The following STK39 variants were observed in gnomAD, a reference collection of about 807,000 sequenced individuals.
STK39 encodes the protein serine/threonine kinase 39.
A neutral mutation model predicts 77.8 loss-of-function variants in STK39; 20 were observed. That is an observed-to-expected ratio of 0.26 (90% CI 0.18 to 0.37). The LOEUF (loss-of-function observed/expected upper bound fraction) is 0.37. STK39 is among the 10% of genes least tolerant of loss of function. The probability of loss-of-function intolerance (pLI) is 1.00; values close to 1 mark genes in which losing one functional copy is unlikely to be tolerated. For missense variants in STK39, 479 were observed against 656.5 expected (o/e 0.73, Z 2.95); for synonymous variants, 246 against 234.1 (o/e 1.05, Z -0.47).
chr2:168,131,429 A>C (rs13419175), intron 8 of STK39, among the ~76,000 whole-genome samples: 122,879 of 152,046 alleles, frequency 0.81, 49,614 homozygotes, highest in Admixed American at 0.82. Flanking sequence ...ATGCTTGACA[A>C]AATTGGAAAC....
intron 1 of STK39, among the ~76,000 whole-genome samples, chr2:168,245,918 G>C (rs1312388556): frequency 1.3e-4 from 20 of 151,852 alleles, no homozygotes; most frequent in Admixed American, 1.3e-3. Context: ...ATATATCCTA[G>C]GTTACGGACC....
At chr2:168,120,528 G>C (rs772499635) in intron 10 of STK39, among the ~76,000 whole-genome samples, 6 of 152,184 alleles carry the variant, frequency 3.9e-5, no homozygotes, top group Non-Finnish European at 7.4e-5. Context: ...TGGTAGCAGT[G>C]GTTGTAATGG....
chr2:168,174,596 G>A (rs904685936), intron 2 of STK39, among the ~76,000 whole-genome samples: 1 of 151,924 alleles, frequency 6.6e-6, no homozygotes, highest in Non-Finnish European at 1.5e-5. Context: ...AAGTGCTGAG[G>A]GTGCCACAGT....
chr2:168,245,706 G>A (rs552314977), intron 1 of STK39, among the ~76,000 whole-genome samples: 1 of 152,328 alleles, frequency 6.6e-6, no homozygotes, highest in Non-Finnish European at 1.5e-5. Flanking sequence ...GGAGGAGGCA[G>A]GCAGGTTGAG....
intron 1 of STK39, among the ~76,000 whole-genome samples, chr2:168,242,725 T>G (rs1011901506): frequency 3.4e-5 from 5 of 146,266 alleles, no homozygotes; most frequent in African/African-American, 7.5e-5. Context: ...TTCTTAAAAA[T>G]AAAAAAAGAA....
intron 5 of STK39, among the ~76,000 whole-genome samples, chr2:168,143,886 T>C (rs542113909): frequency 4.9e-4 from 74 of 152,300 alleles, no homozygotes; most frequent in African/African-American, 1.8e-3. Context: ...CTCACCAGCA[T>C]TGCCCTTGCA....
chr2:168,217,321 G>C (rs1036596436), intron 1 of STK39, among the ~76,000 whole-genome samples: 2 of 152,132 alleles, frequency 1.3e-5, no homozygotes, highest in African/African-American at 4.8e-5. Flanking sequence ...GCATGAATTA[G>C]AAAACCCCAA....
At chr2:168,139,315 A>G (rs1012059946) in intron 7 of STK39, among the ~76,000 whole-genome samples, 1 of 152,040 alleles carries the variant, frequency 6.6e-6, no homozygotes, top group Non-Finnish European at 1.5e-5. Flanking sequence ...TCAATTGTTT[A>G]CGCTTCAATT....
chr2:168,012,027 C>T (rs149063006), intron 16 of STK39, among the ~76,000 whole-genome samples: 1 of 152,180 alleles, frequency 6.6e-6, no homozygotes, highest in Non-Finnish European at 1.5e-5. Flanking sequence ...CTTTAGTGCA[C>T]AGAATTGATA....
chr2:167,999,310 C>T (rs1173787255), intron 16 of STK39, among the ~76,000 whole-genome samples: 1 of 152,208 alleles, frequency 6.6e-6, no homozygotes, highest in African/African-American at 2.4e-5. Context: ...CAGAATGCTT[C>T]TCACAATTTG....
At chr2:167,958,847 T>G (rs1014598692) in intron 17 of STK39, among the ~76,000 whole-genome samples, 4 of 152,230 alleles carry the variant, frequency 2.6e-5, no homozygotes, top group Non-Finnish European at 5.9e-5. Context: ...TGAGTGGATC[T>G]TTTACCCATG....
intron 7 of STK39, 28 bp downstream of exon 7, chr2:168,140,261 C>A: frequency 6.5e-7 from 1 of 1,549,406 alleles, no homozygotes; most frequent in South Asian, 1.1e-5. Flanking sequence ...CATTTCAACC[C>A]CGATGTAGTA....
chr2:168,033,135 C>T (rs182611765), intron 14 of STK39, among the ~76,000 whole-genome samples: 4 of 152,178 alleles, frequency 2.6e-5, no homozygotes, highest in East Asian at 3.9e-4. Flanking sequence ...ATACAATAGT[C>T]GTCCTTACCT....
intron 1 of STK39, among the ~76,000 whole-genome samples, chr2:168,191,284 A>G (rs1324538119): frequency 6.6e-6 from 1 of 152,222 alleles, no homozygotes; most frequent in Non-Finnish European, 1.5e-5. Context: ...TAATTGCATC[A>G]GAGCTTGTGG....
rs148050030 is a variant in STK39, at chr2:168,060,528, T to A, written c.1376+2972A>T. On this transcript the variant is annotated intron_variant, in intron 14 of 17. Coordinates refer to ENST00000355999, the MANE Select transcript of STK39 (RefSeq NM_013233.3). ...CTCCACAACTATGAGAAAATACATT[T>A]CTGTTGTTTCAGCCGCCTAGTCTAT... Among the ~76,000 whole-genome samples the A allele has an allele frequency of 1.8e-3, 281 of 152,310 alleles. 1 individual carries two copies. The highest frequency in any genetic ancestry group is 5.8e-3 in the African/African-American group (240 of 41,564).
intron 14 of STK39, among the ~76,000 whole-genome samples, chr2:168,054,164 A>C (rs1559075043): frequency 6.6e-6 from 1 of 152,224 alleles, no homozygotes; most frequent in East Asian, 1.9e-4. Context: ...GAAGACAGGT[A>C]AATGTAACAA....
At chr2:168,232,108 C>T (rs776008181) in intron 1 of STK39, 6 of 251,792 alleles carry the variant, frequency 2.4e-5, no homozygotes, top group Non-Finnish European at 4.4e-5. Context: ...CAGTTACACT[C>T]ATCACATCAC....
At chr2:168,103,303 ACTG>A (rs1686884470) in intron 10 of STK39, among the ~76,000 whole-genome samples, 1 of 152,160 alleles carries the variant, frequency 6.6e-6, no homozygotes. Flanking sequence ...ACCCAGCTAC[ACTG>A]TTTGCATCTT....
At position 168,212,356 on chromosome 2, in the gene STK39, C is replaced by T. The variant is rs545185075; in HGVS notation, c.209-30266G>A. Among the ~76,000 whole-genome samples the T allele has an allele frequency of 3.9e-5, 6 of 152,232 alleles. No individual in the cohort carries two copies. The South Asian group carries it at 1.2e-3, about 32-fold the overall frequency. The stretch of plus-strand genomic sequence containing the variant: ...GAAAGAGCACCGACTTCCTCCCTAA[C>T]CTTAAGTACAGACCAATAAGCCCTC... On this transcript the variant is annotated intron_variant, in intron 1 of 17. Transcript: ENST00000355999.
Sources: gnomAD v4.1 joint callset for allele counts (sites outside exome capture counted in the v4.1 genomes callset) on GRCh38, gnomAD v4.1.1 for gene constraint, MANE v1.5 for transcripts, NCBI Gene and HGNC (gene_info 2026-07-23, HGNC 2026-07-21) for gene names.